The following ARHGEF37 variants were observed in gnomAD, a reference collection of about 807,000 sequenced individuals.
ARHGEF37 encodes the protein Rho guanine nucleotide exchange factor 37.
A neutral mutation model predicts 71.1 loss-of-function variants in ARHGEF37; 55 were observed. The ratio of observed to expected loss-of-function variants is 0.77; its 90% CI spans 0.62 to 0.97. ARHGEF37 has a LOEUF of 0.97. ARHGEF37 is among the 50% of genes least tolerant of loss of function. The pLI, the probability that ARHGEF37 is intolerant of heterozygous loss-of-function variation, is 0.00. For synonymous variants in ARHGEF37, 327 were observed against 350.6 expected, an observed-to-expected ratio of 0.93 and a Z score of 0.75; for missense variants, 765 against 836.8, an observed-to-expected ratio of 0.91 and a Z score of 1.06.
At chr5:149,583,546 G>A (rs545286698) in intron 1 of ARHGEF37, among the ~76,000 whole-genome samples, 23 of 152,376 alleles carry the variant, frequency 1.5e-4, no homozygotes, top group African/African-American at 4.8e-4. Context: ...GGGAATAGGA[G>A]TTGCTGGCAG....
chr5:149,573,945 T>G (rs1762999191), intron 1 of ARHGEF37, among the ~76,000 whole-genome samples: 1 of 152,218 alleles, frequency 6.6e-6, no homozygotes. Flanking sequence ...GATAGTTATA[T>G]GGGCTATTTT....
At chr5:149,557,903 T>A (rs185889191) in intron 1 of ARHGEF37, among the ~76,000 whole-genome samples, 2 of 151,056 alleles carry the variant, frequency 1.3e-5, no homozygotes, top group Non-Finnish European at 3.0e-5. Flanking sequence ...TCTCACTCTG[T>A]CGCCCAGGCT....
rs11411776 is a variant in ARHGEF37, at chr5:149,600,644, AT to A, written c.187-450del. 5.0e-3 allele frequency among the ~76,000 whole-genome samples: 720 copies of A among 145,202 alleles called. 7 individuals are homozygous for A. Among genetic ancestry groups the A allele is most frequent in the African/African-American group, 0.016 (641 of 39,332 alleles). ...TCTTGTAGAGTAATGAAAATACCTAATTTTTTTTTTTTTTGAGATGGAGTCT... is the reference window on the plus strand; with the variant it reads ...TCTTGTAGAGTAATGAAAATACCTAATTTTTTTTTTTTTGAGATGGAGTCT... On this transcript the variant is annotated intron_variant, in intron 2 of 12. Coordinates refer to ENST00000333677, the MANE Select transcript of ARHGEF37 (RefSeq NM_001001669.3).
chr5:149,558,691 ATG>A (rs58959997), intron 1 of ARHGEF37, among the ~76,000 whole-genome samples: 11,520 of 127,546 alleles, frequency 0.09, 511 homozygotes, highest in Middle Eastern at 0.13. Flanking sequence ...CCATATATAT[ATG>A]TGTGTGTGTG....
rs775539556 is a variant in ARHGEF37 at position 149,632,175 on chromosome 5, G to T, written c.2012G>T (p.Trp671Leu). 1.9e-6 allele frequency: 3 copies of T among 1,614,194 alleles called. No homozygotes were observed. Among genetic ancestry groups the T allele is most frequent in the Non-Finnish European group, 8.5e-7 (1 of 1,180,034 alleles). The change falls in exon 13 of 13, where the codon TGG becomes TTG. Residue 671 changes from tryptophan to leucine, a missense_variant. This residue lies in a region of ARHGEF37 where 390 missense variants were observed against 407.4 expected (regional missense o/e 0.96). Coordinates refer to ENST00000333677, the MANE Select transcript of ARHGEF37 (RefSeq NM_001001669.3). ...GCTCGGAGCCCAGTTCTGTGGGGCT[G>T]GAGTCTGCCCTCTTAGGGTACCCTC... is the stretch of plus-strand genomic sequence containing the variant. ...ARARSPVLWG[W>L]SLPS
At chr5:149,623,518 C>A (rs1002932100) in intron 9 of ARHGEF37, among the ~76,000 whole-genome samples, 1 of 152,190 alleles carries the variant, frequency 6.6e-6, no homozygotes, top group Non-Finnish European at 1.5e-5. Context: ...TGGGCTGCCC[C>A]CAACCCCTTG....
chr5:149,609,986 C>T (rs1324483844), intron 4 of ARHGEF37, among the ~76,000 whole-genome samples: 1 of 152,232 alleles, frequency 6.6e-6, no homozygotes, highest in African/African-American at 2.4e-5. Flanking sequence ...CAGCCACTGT[C>T]TGGAATATTG....
chr5:149,561,950 C>A (rs1166698693), intron 1 of ARHGEF37, among the ~76,000 whole-genome samples: 2 of 152,150 alleles, frequency 1.3e-5, no homozygotes, highest in Non-Finnish European at 2.9e-5. Context: ...CTGTGCTCCT[C>A]GTGACTCATT....
At chr5:149,567,874 A>G (rs1053535929) in intron 1 of ARHGEF37, among the ~76,000 whole-genome samples, 1 of 152,122 alleles carries the variant, frequency 6.6e-6, no homozygotes, top group Non-Finnish European at 1.5e-5. Context: ...GAGTGGTAGT[A>G]TTTTAGAAAC....
intron 1 of ARHGEF37, among the ~76,000 whole-genome samples, chr5:149,555,062 C>T (rs1469876081): frequency 2.0e-5 from 3 of 148,404 alleles, no homozygotes; most frequent in Admixed American, 6.8e-5. Context: ...ACCCGAGAGG[C>T]GGAAGTTGCA....
chr5:149,628,673 G>T, intron 11 of ARHGEF37, 136 bp from the exon 12 acceptor site: 1 of 1,181,484 alleles, frequency 8.5e-7, no homozygotes, highest in Non-Finnish European at 1.2e-6. Flanking sequence ...GGGGGTTCAG[G>T]GTTCCTAGAT....
At chr5:149,586,522 C>T (rs889234186) in intron 1 of ARHGEF37, among the ~76,000 whole-genome samples, 10 of 152,214 alleles carry the variant, frequency 6.6e-5, no homozygotes, top group Non-Finnish European at 1.0e-4. Context: ...CTCGGCCTCC[C>T]GAAGTGCCGG....
chr5:149,629,755 G>A (rs79689246), intron 12 of ARHGEF37, among the ~76,000 whole-genome samples: 3,986 of 152,292 alleles, frequency 0.026, 174 homozygotes, highest in African/African-American at 0.09. Flanking sequence ...TGTTCATGGC[G>A]GCATTATTCA....
At chr5:149,604,961 T>G (rs1280491657) in intron 3 of ARHGEF37, among the ~76,000 whole-genome samples, 1 of 151,364 alleles carries the variant, frequency 6.6e-6, no homozygotes, top group African/African-American at 2.4e-5. Context: ...GCATGGTGGC[T>G]CACGCCTGTA....
chr5:149,609,521 G>A (rs766783285), intron 3 of ARHGEF37, 27 bp from the exon 4 acceptor site: 15 of 1,611,566 alleles, frequency 9.3e-6, no homozygotes, highest in Admixed American at 5.0e-5. Flanking sequence ...TGCCCTTGAC[G>A]ACCCCTTGTT....
At chr5:149,600,020 A>G (rs1763705914) in intron 2 of ARHGEF37, among the ~76,000 whole-genome samples, 1 of 152,188 alleles carries the variant, frequency 6.6e-6, no homozygotes, top group Admixed American at 6.5e-5. Flanking sequence ...AACATCATAG[A>G]GTGCACTAAT....
At chr5:149,571,462 A>C (rs758720047) in intron 1 of ARHGEF37, among the ~76,000 whole-genome samples, 6 of 152,102 alleles carry the variant, frequency 3.9e-5, no homozygotes, top group African/African-American at 7.2e-5. Flanking sequence ...AAAACTATAA[A>C]ACTTTGCTGA....
At chr5:149,579,159 G>A (rs1013763658), upstream of ARHGEF37, among the ~76,000 whole-genome samples, 3 of 151,958 alleles carry the variant, frequency 2.0e-5, no homozygotes, top group Admixed American at 6.6e-5. Context: ...ATTCCATCAC[G>A]TACTTCTGAA....
chr5:149,619,921 A>T (rs1752486755), intron 7 of ARHGEF37, among the ~76,000 whole-genome samples: 1 of 151,952 alleles, frequency 6.6e-6, no homozygotes, highest in African/African-American at 2.4e-5. Context: ...AATACGAAAA[A>T]CATTAGCCAG....
Sources: allele counts gnomAD v4.1 joint callset (sites outside exome capture counted in the v4.1 genomes callset), GRCh38; gene constraint gnomAD v4.1.1; regional missense constraint gnomAD v4.1.1; transcripts MANE v1.5; gene names NCBI Gene and HGNC (gene_info 2026-07-23, HGNC 2026-07-21).